TMEM192: variants seen among roughly 807,000 people sequenced by gnomAD.
TMEM192 encodes transmembrane protein 192.
A neutral mutation model predicts 26.7 loss-of-function variants in TMEM192; 20 were observed. The observed-to-expected ratio is 0.75, with a 90% CI of 0.53 to 1.09. The LOEUF is 1.09. Ranked by LOEUF, TMEM192 falls within the 50% of genes least tolerant of loss-of-function variation. TMEM192 has a pLI of 0.00. For missense variants in TMEM192, 304 were observed against 322.6 expected, an observed-to-expected ratio of 0.94 and a Z score of 0.44; for synonymous variants, 124 against 121.0, an observed-to-expected ratio of 1.02 and a Z score of -0.16.
intron 3 of TMEM192, 28 bp from the exon 4 acceptor site, chr4:165,088,630 A>T (rs1363223057): frequency 1.9e-6 from 3 of 1,596,654 alleles, no homozygotes; most frequent in Non-Finnish European, 2.6e-6. Context: ...AAAACACAGC[A>T]TGTGATGAGA....
At position 165,098,439 on chromosome 4, in the gene TMEM192, T is replaced by A. The variant is rs187051082; in HGVS notation, c.439+2189A>T. Among the ~76,000 whole-genome samples, 224 of 151,708 alleles carry A rather than the reference T, an allele frequency of 1.5e-3. 1 individual carries two copies. The highest frequency in any genetic ancestry group is 6.8e-3 in the Middle Eastern group (2 of 292). ...CACGCCCAGGAATTTCTTTTTTTTT[T>A]TAAAACTTAACTTGGTGCTCATTTG... On this transcript the variant is annotated intron_variant, in intron 3 of 5. Coordinates refer to ENST00000306480, the MANE Select transcript of TMEM192 (RefSeq NM_001100389.2).
At position 165,075,882 on chromosome 4, in the gene TMEM192, T is replaced by G. The variant is rs573317520; in HGVS notation, c.*3776A>C. 4.2e-4 allele frequency: 64 copies of G among 152,348 alleles called. No individual in the cohort carries two copies. Among genetic ancestry groups the G allele is most frequent in the African/African-American group, 1.4e-3 (58 of 41,490 alleles). The allele number at this position is 152,348 out of a possible 1,614,324, so 9.4% of individuals were successfully genotyped here. Reference sequence around the variant, plus strand: ...CACACCCGACCCAAATTTTTAATATTTTTGTACTAAAAAATAGTGGCATGC... The same window carrying G: ...CACACCCGACCCAAATTTTTAATATGTTTGTACTAAAAAATAGTGGCATGC... On this transcript the variant is annotated 3_prime_UTR_variant, in exon 6 of 6. Transcript: ENST00000306480.
chr4:165,093,654 G>A (rs1221494597), intron 3 of TMEM192, among the ~76,000 whole-genome samples: 1 of 151,986 alleles, frequency 6.6e-6, no homozygotes, highest in Non-Finnish European at 1.5e-5. Context: ...TTCACCTCTG[G>A]GTTACCACAC....
rs1292490781 is a variant in TMEM192, at chr4:165,073,752, T to TA, written c.*5905dup. The TA allele has an allele frequency of 1.3e-5, 2 of 152,170 alleles. No individual in the cohort carries two copies. Among genetic ancestry groups the TA allele is most frequent in the African/African-American group, 4.8e-5 (2 of 41,432 alleles). 9.4% of individuals were successfully genotyped at this position (152,170 alleles called of 1,614,324 possible). On this transcript the variant is annotated 3_prime_UTR_variant, in exon 6 of 6. Transcript: ENST00000306480. The stretch of plus-strand genomic sequence containing the variant: ...TATGCTGGCAGCAATACTGCTCTGT[T>TA]ACTCTTTGCTACACTGAAATGTTTG...
At chr4:165,093,392 G>GTGTTTTTTAAATGATTTTATAA (rs1734817211) in intron 3 of TMEM192, among the ~76,000 whole-genome samples, 1 of 151,994 alleles carries the variant, frequency 6.6e-6, no homozygotes, top group African/African-American at 2.4e-5. Context: ...ACCGCGCCTG[G>GTGTTTTTTAAATGATTTTATAA]CCAATACAGT....
rs372869892 is a variant in TMEM192, at chr4:165,100,786, G to A, written c.281C>T (p.Thr94Met). The change falls in exon 3 of 6, where the codon ACG (threonine) becomes ATG (methionine). Residue 94 changes from threonine (T) to methionine (M), a missense_variant. By Grantham distance (81) the Thr-to-Met change is moderately conservative. Coordinates refer to ENST00000306480, the MANE Select transcript of TMEM192 (RefSeq NM_001100389.2). The stretch of plus-strand genomic sequence containing the variant: ...AATAACTTTCCCAAGGATTATAACC[G>A]TCTGAACTTTCAATGGGTTTGTGTA... The part of the protein sequence containing the change: ...GNYTNPLKVQ[T>M]VIILGKVILW... 2.3e-5 allele frequency: 37 copies of A among 1,613,936 alleles called. No homozygotes were observed. The highest frequency in any genetic ancestry group is 3.3e-5 in the South Asian group (3 of 91,090).
intron 3 of TMEM192, among the ~76,000 whole-genome samples, chr4:165,090,885 T>G (rs1317459573): frequency 9.0e-6 from 1 of 110,766 alleles, no homozygotes; most frequent in Non-Finnish European, 1.7e-5. Context: ...GACTCCAGAC[T>G]GGGCGACGGA....
intron 1 of TMEM192, among the ~76,000 whole-genome samples, chr4:165,106,658 C>T (rs1735166908): frequency 6.6e-6 from 1 of 152,242 alleles, no homozygotes; most frequent in African/African-American, 2.4e-5. Context: ...ACATCAGACT[C>T]CAGATTCTTC....
chr4:165,079,434 A>G lies in TMEM192; in HGVS notation c.*224T>C. 1 of 449,668 alleles carries G rather than the reference A, an allele frequency of 2.2e-6. No homozygotes were observed. The highest frequency in any genetic ancestry group is 3.9e-6 in the Non-Finnish European group (1 of 256,736). The allele number at this position is 449,668 out of a possible 1,614,324, so 27.9% of individuals were successfully genotyped here. On this transcript the variant is annotated 3_prime_UTR_variant, in exon 6 of 6. Transcript: ENST00000306480. ...AAATAATTTCCAAAAGTACAAACAG[A>G]CATTCCCCTCAAGTTATCCGGGCTT... is the stretch of plus-strand genomic sequence containing the variant.
In TMEM192 at chr4:165,088,510, G is replaced by C. The variant is rs1457850069; in HGVS notation, c.532C>G (p.Leu178Val). The C allele has an allele frequency of 1.2e-6, 2 of 1,613,674 alleles. No homozygotes were observed. Among genetic ancestry groups the C allele is most frequent in the Non-Finnish European group, 1.7e-6 (2 of 1,179,870 alleles). ...CATATCAGGGAACAGATGAGTTCCA[G>C]TGCCAAGATGGCCAGAATGAGGTCA... ...YLDLILAILA[L>V]ELICSLICLL... Residue 178 changes from leucine (L) to valine (V), a missense_variant, in exon 4 of 6, where the codon CTG becomes GTG. Physicochemically the swap from Leu to Val is conservative, Grantham distance 32. Transcript: ENST00000306480.
intron 5 of TMEM192, 54 bp from the exon 6 acceptor site, chr4:165,079,850 T>C: frequency 6.5e-7 from 1 of 1,544,944 alleles, no homozygotes; most frequent in East Asian, 2.4e-5. Flanking sequence ...TACTCATTAG[T>C]GTCTTTGCAA....
chr4:165,097,756 A>ATGTGT (rs1734947483), intron 3 of TMEM192, among the ~76,000 whole-genome samples: 1 of 151,698 alleles, frequency 6.6e-6, no homozygotes, highest in African/African-American at 2.4e-5. Context: ...CTAGGACTAC[A>ATGTGT]GGCACAGGCT....
intron 5 of TMEM192, among the ~76,000 whole-genome samples, chr4:165,081,670 C>T (rs1734525741): frequency 2.7e-5 from 1 of 37,232 alleles, no homozygotes; most frequent in South Asian, 1.2e-3. Context: ...GGATTACAGG[C>T]GTGAGCCACC....
At position 165,076,342 on chromosome 4, in the gene TMEM192, A is replaced by G. The variant is rs1734381711; in HGVS notation, c.*3316T>C. 1 of 152,184 alleles carries G rather than the reference A, an allele frequency of 6.6e-6. No individual in the cohort carries two copies. The highest frequency in any genetic ancestry group is 1.5e-5 in the Non-Finnish European group (1 of 68,038). The allele number at this position is 152,184 out of a possible 1,614,324, so 9.4% of individuals were successfully genotyped here. ...ACCATCTGATCCTGCTGAAACTAAAACTGACATTGTCACTTCCTTGCTTGA... is the reference window on the plus strand; with the variant it reads ...ACCATCTGATCCTGCTGAAACTAAAGCTGACATTGTCACTTCCTTGCTTGA... On this transcript the variant is annotated 3_prime_UTR_variant, in exon 6 of 6. Transcript: ENST00000306480.
chr4:165,071,420 T>C lies in TMEM192; in HGVS notation c.*8238A>G, dbSNP rs11100593. ...GATTCTCCTGCCTCAGCCTCCTGAA[T>C]AGCTGGGATTACAGACACGTGCCAC... On this transcript the variant is annotated 3_prime_UTR_variant, in exon 6 of 6. Transcript: ENST00000306480. 0.86 allele frequency: 130,870 copies of C among 152,254 alleles called. 57,686 individuals carry two copies. The highest frequency in any genetic ancestry group is 0.96 in the East Asian group (4,947 of 5,158). The allele number at this position is 152,254 out of a possible 1,614,324, so 9.4% of individuals were successfully genotyped here.
intron 4 of TMEM192, among the ~76,000 whole-genome samples, chr4:165,085,922 A>G (rs1734604474): frequency 6.6e-6 from 1 of 152,208 alleles, no homozygotes; most frequent in Non-Finnish European, 1.5e-5. Context: ...TAAATGTTTT[A>G]CATGGATGCC....
rs955242443 is a variant in TMEM192, at chr4:165,076,599, C to G, written c.*3059G>C. 6.6e-6 allele frequency: 1 copy of G among 152,250 alleles called. No individual in the cohort carries two copies. Among genetic ancestry groups the G allele is most frequent in the African/African-American group, 2.4e-5 (1 of 41,454 alleles). The allele number at this position is 152,250 out of a possible 1,614,324, so 9.4% of individuals were successfully genotyped here. A position where few individuals can be genotyped will look rare whatever the true frequency, so the allele number is the denominator to read the frequency against. On this transcript the variant is annotated 3_prime_UTR_variant, in exon 6 of 6. Coordinates refer to ENST00000306480, the MANE Select transcript of TMEM192 (RefSeq NM_001100389.2). ...CTACCCTCCTGCCCCCAGGGTACCC[C>G]CTGACGTGGAGCTCCTACAGCATGT...
At chr4:165,083,047 C>G (rs144163428) in intron 5 of TMEM192, among the ~76,000 whole-genome samples, 4,908 of 39,728 alleles carry the variant, frequency 0.12, 1,993 homozygotes, top group African/African-American at 0.2. Context: ...AACTGAATTT[C>G]ATTGCCCCAA....
intron 3 of TMEM192, among the ~76,000 whole-genome samples, chr4:165,094,447 C>T (rs1238402848): frequency 6.6e-6 from 1 of 152,050 alleles, no homozygotes; most frequent in African/African-American, 2.4e-5. Context: ...CTCCTGAGGT[C>T]GAAAGTTCAA....
Sources: gnomAD v4.1 joint callset for allele counts (sites outside exome capture counted in the v4.1 genomes callset) on GRCh38, gnomAD v4.1.1 for gene constraint, MANE v1.5 for transcripts, NCBI Gene and HGNC (gene_info 2026-07-23, HGNC 2026-07-21) for gene names.